Variants in ADAMTSL3 observed in about 807,000 individuals in gnomAD.
The protein encoded by ADAMTSL3 is ADAMTS-like protein 3.
In ADAMTSL3, 128 loss-of-function variants were observed where a neutral mutation model predicts 201.7. The ratio of observed to expected loss-of-function variants is 0.63; its 90% confidence interval spans 0.55 to 0.73. ADAMTSL3 has a LOEUF of 0.73. ADAMTSL3 is among the 30% of genes least tolerant of loss of function. The pLI is 0.00. For synonymous variants in ADAMTSL3, 738 were observed against 748.4 expected (o/e 0.99, Z 0.23); for missense variants, 1,990 against 2,119.6 (o/e 0.94, Z 1.20).
chr15:83,908,205 A>G (rs2401172), intron 15 of ADAMTSL3, among the ~76,000 whole-genome samples: 95,402 of 152,094 alleles, frequency 0.63, 31,017 homozygotes, highest in African/African-American at 0.79. Flanking sequence ...TCTGATACAG[A>G]TGAGGCCGTG....
intron 2 of ADAMTSL3, among the ~76,000 whole-genome samples, chr15:83,669,940 C>G (rs1334846118): frequency 6.6e-6 from 1 of 151,518 alleles, no homozygotes; most frequent in Admixed American, 6.6e-5. Flanking sequence ...TCTGCCACAG[C>G]CTTACTTCAT....
Position 83,890,141 on chromosome 15 carries a change from A to G in ADAMTSL3, c.1105A>G (p.Ile369Val). ...YQLNSAECVD[I>V]RLKRVVPDHY... ...GCTCAATTCTGCTGAATGTGTGGAT[A>G]TCCGCTTGAAGAGGGTAGTTCCTGA... Residue 369 changes from isoleucine to valine, a missense_variant, in exon 11 of 30, where the codon ATC (isoleucine) becomes GTC (valine). By Grantham distance (29) the Ile-to-Val change is conservative. Transcript: ENST00000286744. 1 of 1,613,644 alleles carries G rather than the reference A, an allele frequency of 6.2e-7. No homozygotes were observed. The highest frequency in any genetic ancestry group is 8.5e-7 in the Non-Finnish European group (1 of 1,179,760).
Position 83,983,210 on chromosome 15 carries a change from A to T in ADAMTSL3, c.3582A>T (p.Ile1194=), listed in dbSNP as rs376951884. The T allele has an allele frequency of 3.1e-6, 5 of 1,614,048 alleles. No homozygotes were observed. Among genetic ancestry groups the T allele is most frequent in the Non-Finnish European group, 4.2e-6 (5 of 1,179,972 alleles). ...CCTCAATTTCATTTAATAAAACAAT[A>T]AATTCCAGGATTGGAAATACAGTAT... is the stretch of plus-strand genomic sequence containing the variant. ...QPPSISFNKT[I]NSRIGNTVYI... is the part of the protein sequence containing the mutation. Residue 1194 remains isoleucine (I), a synonymous_variant, in exon 21 of 30, where the codon ATA becomes ATT. Coordinates refer to ENST00000286744, the MANE Select transcript of ADAMTSL3 (RefSeq NM_207517.3).
chr15:83,927,445 A>G (rs2066270423), intron 17 of ADAMTSL3, among the ~76,000 whole-genome samples: 1 of 152,104 alleles, frequency 6.6e-6, no homozygotes, highest in African/African-American at 2.4e-5. Flanking sequence ...TGTTTTATTT[A>G]AAACAATGGA....
At chr15:83,852,482 G>A (rs73439461) in intron 7 of ADAMTSL3, among the ~76,000 whole-genome samples, 41 of 152,288 alleles carry the variant, frequency 2.7e-4, no homozygotes, top group African/African-American at 8.9e-4. Flanking sequence ...ATATCAATGA[G>A]CATTTAGATT....
intron 3 of ADAMTSL3, among the ~76,000 whole-genome samples, chr15:83,714,795 C>CTTTCTTTCTTTCTTTCTTTT (rs1391950676): frequency 9.8e-6 from 1 of 102,036 alleles, no homozygotes. Context: ...TTTTCTTTCT[C>CTTTCTTTCTTTCTTTCTTTT]TCTCTTTCTT....
rs2063117509 is a variant in ADAMTSL3 at position 83,778,544 on chromosome 15, A to G, written c.317+4894A>G. ...GCTTCATAAGTGAATGATGAATATG[A>G]TCCTTTTTAGACAAGCAAATGCTGA... On this transcript the variant is annotated intron_variant, in intron 4 of 29. Coordinates refer to ENST00000286744, the MANE Select transcript of ADAMTSL3 (RefSeq NM_207517.3). 2.0e-5 allele frequency among the ~76,000 whole-genome samples: 3 copies of G among 152,334 alleles called. No individual in the cohort carries two copies. The South Asian group carries it at 6.2e-4, about 32-fold the overall frequency.
intron 7 of ADAMTSL3, among the ~76,000 whole-genome samples, chr15:83,848,875 C>G (rs1449734536): frequency 2.0e-5 from 3 of 152,150 alleles, no homozygotes; most frequent in African/African-American, 4.8e-5. Flanking sequence ...GCACCAGGTT[C>G]TTTTCTAAGC....
rs2061074795 is a variant in ADAMTSL3 at position 83,655,789 on chromosome 15, G to A, written c.28G>A (p.Val10Met). The A allele has an allele frequency of 1.2e-6, 2 of 1,614,030 alleles. No homozygotes were observed. Among genetic ancestry groups the A allele is most frequent in the East Asian group, 2.2e-5 (1 of 44,886 alleles). Reference protein sequence around the residue: MASWTSPWWVLIGMVFMHSP... With the variant: MASWTSPWWMLIGMVFMHSP... Reference sequence around the variant, plus strand: ...GGCTTCCTGGACGAGCCCCTGGTGGGTGCTGATAGGGATGGTCTTCATGCA... The same window carrying A: ...GGCTTCCTGGACGAGCCCCTGGTGGATGCTGATAGGGATGGTCTTCATGCA... Residue 10 changes from valine to methionine, a missense_variant, in exon 2 of 30, where the codon GTG becomes ATG. Transcript: ENST00000286744.
intron 19 of ADAMTSL3, among the ~76,000 whole-genome samples, chr15:83,958,476 C>T (rs1471129257): frequency 6.6e-6 from 1 of 152,206 alleles, no homozygotes; most frequent in Non-Finnish European, 1.5e-5. Flanking sequence ...GCATATAATA[C>T]TTCCTTTTAA....
chr15:83,804,601 T>A, intron 4 of ADAMTSL3, 49 bp from the exon 5 acceptor site: 3 of 1,081,798 alleles, frequency 2.8e-6, no homozygotes, highest in Non-Finnish European at 2.7e-6. Flanking sequence ...AATGCTTGCC[T>A]CTTCTATGAA....
At chr15:83,657,971 G>A (rs1468125796) in intron 2 of ADAMTSL3, among the ~76,000 whole-genome samples, 1 of 152,170 alleles carries the variant, frequency 6.6e-6, no homozygotes, top group Non-Finnish European at 1.5e-5. Context: ...TTTGGGTGGG[G>A]CTTAAGGTGT....
chr15:84,025,258 C>A lies in ADAMTSL3; in HGVS notation c.4478C>A (p.Ser1493Ter). The A allele has an allele frequency of 3.7e-6, 6 of 1,608,894 alleles. No homozygotes were observed. In the South Asian group the frequency reaches 6.7e-5, roughly 18 times the overall value. ...CCTAGGTGGTTCACAAGTGTGTGGT[C>A]ACAGTGCTCTGTGTCTTGCGGTGAA... Reference protein sequence around the residue: ...CPARWFTSVWSQCSVSCGEGY... With the variant: ...CPARWFTSVW Residue 1493 changes from serine to a stop codon, truncating the protein, a stop_gained, in exon 27 of 30, where the codon TCA (serine) becomes TAA (stop). Coordinates refer to ENST00000286744, the MANE Select transcript of ADAMTSL3 (RefSeq NM_207517.3). LOFTEE classifies it high-confidence loss of function.
intron 24 of ADAMTSL3, among the ~76,000 whole-genome samples, chr15:84,016,129 A>G (rs1046991714): frequency 6.6e-6 from 1 of 152,130 alleles, no homozygotes; most frequent in East Asian, 1.9e-4. Context: ...TCATCTTGCA[A>G]TTTAGGCTAG....
chr15:84,016,235 A>G (rs1381553920), intron 24 of ADAMTSL3, 148 bp from the exon 25 acceptor site: 3 of 631,390 alleles, frequency 4.8e-6, no homozygotes, highest in Non-Finnish European at 8.4e-6. Context: ...CACACCTCCC[A>G]GACCTGTGGT....
At chr15:83,999,257 T>G in intron 23 of ADAMTSL3, among the ~76,000 whole-genome samples, 1 of 152,248 alleles carries the variant, frequency 6.6e-6, no homozygotes, top group Non-Finnish European at 1.5e-5. Flanking sequence ...AACCCTTCTC[T>G]TGTTTTTGGA....
intron 4 of ADAMTSL3, among the ~76,000 whole-genome samples, chr15:83,781,062 C>G (rs2063160294): frequency 1.3e-5 from 2 of 151,988 alleles, no homozygotes; most frequent in African/African-American, 2.4e-5. Context: ...AATGCTATTT[C>G]TATTCAAGTA....
At chr15:83,837,984 A>G in intron 6 of ADAMTSL3, 105 bp from the exon 7 acceptor site, 1 of 1,419,854 alleles carries the variant, frequency 7.0e-7, no homozygotes, top group South Asian at 1.4e-5. Flanking sequence ...AAAGAGAGCC[A>G]AACTGTAAAG....
rs1374313808 is a variant in ADAMTSL3, at chr15:83,695,570, G to T, written c.70-8819G>T. 3.3e-5 allele frequency among the ~76,000 whole-genome samples: 5 copies of T among 152,124 alleles called. No homozygotes were observed. In the South Asian group the frequency reaches 6.2e-4, roughly 19 times the overall value. On this transcript the variant is annotated intron_variant, in intron 2 of 29. Coordinates refer to ENST00000286744, the MANE Select transcript of ADAMTSL3 (RefSeq NM_207517.3). ...TGAAGCTGAAGTTCAAAACTACATG[G>T]TATTTTGGCTGAGGTGTATCCAGAC...
Sources: allele counts gnomAD v4.1 joint callset (sites outside exome capture counted in the v4.1 genomes callset), GRCh38; gene constraint gnomAD v4.1.1; transcripts MANE v1.5; gene names NCBI Gene and HGNC (gene_info 2026-07-23, HGNC 2026-07-21).